SLF1: variants seen among roughly 807,000 people sequenced by gnomAD.
SLF1 encodes SMC5-SMC6 complex localization factor protein 1.
SLF1 carries 105 observed loss-of-function variants against 123.0 expected under a neutral mutation model. The ratio of observed to expected loss-of-function variants is 0.85; its 90% CI spans 0.73 to 1.00. The LOEUF (loss-of-function observed/expected upper bound fraction) is 1.00. Among genes scored for constraint, SLF1 ranks in the 50% least tolerant of loss-of-function variants. The probability of loss-of-function intolerance (pLI) is 0.00; values close to 1 mark genes in which losing one functional copy is unlikely to be tolerated. For synonymous variants in SLF1, 434 were observed against 406.6 expected (o/e 1.07, Z -0.81); for missense variants, 1,239 against 1,223.0 (o/e 1.01, Z -0.20).
At chr5:94,627,585 CATATATATATATAT>C (rs58847356) in intron 1 of SLF1, among the ~76,000 whole-genome samples, 4,676 of 86,842 alleles carry the variant, frequency 0.054, 314 homozygotes, top group East Asian at 0.24. Flanking sequence ...ATGAAATTAA[CATATATATATATAT>C]ATATATATAT....
At chr5:94,641,458 G>T (rs12657323) in intron 4 of SLF1, among the ~76,000 whole-genome samples, 33,829 of 152,026 alleles carry the variant, frequency 0.22, 3,885 homozygotes, top group East Asian at 0.34. Context: ...TATTCTGTTA[G>T]AGCAGCAGAA....
intron 12 of SLF1, among the ~76,000 whole-genome samples, chr5:94,667,658 C>T (rs1177863915): frequency 2.6e-5 from 4 of 152,324 alleles, no homozygotes; most frequent in Admixed American, 2.0e-4. Flanking sequence ...TTCTCATCTT[C>T]ACCACTTTCT....
intron 8 of SLF1, among the ~76,000 whole-genome samples, chr5:94,654,332 A>T (rs1317198850): frequency 6.6e-6 from 1 of 152,008 alleles, no homozygotes; most frequent in East Asian, 1.9e-4. Flanking sequence ...TTGGAACAGG[A>T]TAAATGAAAA....
At chr5:94,688,459 T>G in intron 16 of SLF1, 47 bp from the exon 17 acceptor site, 1 of 1,561,178 alleles carries the variant, frequency 6.4e-7, no homozygotes, top group Non-Finnish European at 8.8e-7. Context: ...TTCTCTTTAC[T>G]GCTGTTTTTG....
rs1363799240 is a variant in SLF1, at chr5:94,695,795, C to CTG, written c.*484_*485insGT. On this transcript the variant is annotated 3_prime_UTR_variant, in exon 21 of 21. Transcript: ENST00000265140. The stretch of plus-strand genomic sequence containing the variant: ...ACATGTAGCTCCCTATTTCTTCTCT[C>CTG]TAGGTTGTTGGACTGAAATATGCAT... 6.6e-6 allele frequency: 1 copy of CTG among 151,570 alleles called. No homozygotes were observed. The highest frequency in any genetic ancestry group is 2.4e-5 in the African/African-American group (1 of 41,300). The allele number at this position is 151,570 out of a possible 1,614,324, so 9.4% of individuals were successfully genotyped here.
chr5:94,694,748 C>G, intron 20 of SLF1, 83 bp from the exon 21 acceptor site: 1 of 1,478,774 alleles, frequency 6.8e-7, no homozygotes, highest in South Asian at 1.4e-5. Flanking sequence ...GCACTGGATG[C>G]TTTGGGAAAA....
chr5:94,644,481 A>G (rs185119532), intron 5 of SLF1, among the ~76,000 whole-genome samples: 34 of 152,230 alleles, frequency 2.2e-4, no homozygotes, highest in Admixed American at 1.3e-3. Context: ...TGTCTTTTCA[A>G]TTGTATCCTG....
intron 9 of SLF1, among the ~76,000 whole-genome samples, chr5:94,657,607 C>T (rs1025215775): frequency 1.3e-5 from 2 of 151,896 alleles, no homozygotes; most frequent in African/African-American, 4.8e-5. Flanking sequence ...TTTTCTGTTT[C>T]GATAATCTGT....
Position 94,682,952 on chromosome 5 carries a change from A to G in SLF1, c.1976-3621A>G, listed in dbSNP as rs141429972. Reference sequence around the variant, plus strand: ...TGTAGTAAGAAAGCAGCCATAGACAATACATAAACAGACAGCATGGCTGTG... The same window carrying G: ...TGTAGTAAGAAAGCAGCCATAGACAGTACATAAACAGACAGCATGGCTGTG... On this transcript the variant is annotated intron_variant, in intron 15 of 20. Coordinates refer to ENST00000265140, the MANE Select transcript of SLF1 (RefSeq NM_032290.4). Among the ~76,000 whole-genome samples, 166 of 152,346 alleles carry G rather than the reference A, an allele frequency of 1.1e-3. 1 individual carries two copies. The highest frequency in any genetic ancestry group is 6.0e-3 in the South Asian group (29 of 4,828).
Position 94,695,114 on chromosome 5 carries a change from T to TAAAAATCATAAA in SLF1, c.2983_2984insATCATAAAAAAA (p.Lys994_Ser995insAsnHisLysLys). ...ATCTAAATGAACTGCTTATGGCTTGTAAAAGTCATAAAGAAACCACCAGTG... is the reference window on the plus strand; with the variant it reads ...ATCTAAATGAACTGCTTATGGCTTGTAAAAATCATAAAAAAAGTCATAAAGAAACCACCAGTG... On this transcript the variant is annotated inframe_insertion, in exon 21 of 21. Transcript: ENST00000265140. 1 of 1,612,496 alleles carries TAAAAATCATAAA rather than the reference T, an allele frequency of 6.2e-7. No homozygotes were observed. Among genetic ancestry groups the TAAAAATCATAAA allele is most frequent in the Admixed American group, 1.7e-5 (1 of 59,752 alleles).
At chr5:94,619,763 A>G (rs1325207891) in intron 1 of SLF1, among the ~76,000 whole-genome samples, 5 of 152,194 alleles carry the variant, frequency 3.3e-5, no homozygotes, top group Non-Finnish European at 7.4e-5. Context: ...AGATGTTCTC[A>G]TTATTGGAAA....
intron 15 of SLF1, among the ~76,000 whole-genome samples, chr5:94,682,460 T>G (rs868719152): frequency 6.6e-6 from 1 of 152,262 alleles, no homozygotes; most frequent in African/African-American, 2.4e-5. Flanking sequence ...TTCACTGTTA[T>G]ATAACTTCCA....
At chr5:94,652,151 G>A (rs920410969) in intron 7 of SLF1, among the ~76,000 whole-genome samples, 18 of 152,044 alleles carry the variant, frequency 1.2e-4, no homozygotes, top group African/African-American at 4.3e-4. Flanking sequence ...GGGACTACAG[G>A]CACACACCAC....
At chr5:94,648,438 CTG>C (rs1243078843) in intron 5 of SLF1, among the ~76,000 whole-genome samples, 1 of 152,112 alleles carries the variant, frequency 6.6e-6, no homozygotes, top group Non-Finnish European at 1.5e-5. Context: ...CCTAGGAAGA[CTG>C]TGATTCTTCA....
chr5:94,625,237 C>A (rs1010014368), intron 1 of SLF1, among the ~76,000 whole-genome samples: 2 of 151,368 alleles, frequency 1.3e-5, no homozygotes, highest in Non-Finnish European at 2.9e-5. Flanking sequence ...CTCTTGTATT[C>A]TACTGATAAC....
chr5:94,662,979 CAG>C (rs1396780306), intron 10 of SLF1, among the ~76,000 whole-genome samples: 9 of 152,186 alleles, frequency 5.9e-5, no homozygotes, highest in African/African-American at 1.9e-4. Context: ...TGTACAACCT[CAG>C]AGTGATTTTA....
At chr5:94,680,202 G>A (rs1232185746) in intron 15 of SLF1, among the ~76,000 whole-genome samples, 1 of 152,108 alleles carries the variant, frequency 6.6e-6, no homozygotes, top group Non-Finnish European at 1.5e-5. Context: ...GGTTATAACT[G>A]GGTTCAGGAT....
In SLF1 at chr5:94,688,506, G is replaced by A; in HGVS notation, c.2122G>A (p.Val708Ile). 3 of 1,613,588 alleles carry A rather than the reference G, an allele frequency of 1.9e-6. No individual in the cohort carries two copies. Among genetic ancestry groups the A allele is most frequent in the Non-Finnish European group, 2.5e-6 (3 of 1,179,718 alleles). The change falls in exon 17 of 21, where the codon GTA becomes ATA. Residue 708 changes from valine to isoleucine, a missense_variant and splice_region_variant. Physicochemically the swap from Val to Ile is conservative, Grantham distance 29 (BLOSUM62 3). Transcript: ENST00000265140. ...SSEPLSLQKMVYSYLPALGKT... is the reference protein window; with the variant it reads ...SSEPLSLQKMIYSYLPALGKT... ...ATAATGCAATATTATTTTTCAACAGGTATATTCCTATTTACCAGCCTTGGG... is the reference window on the plus strand; with the variant it reads ...ATAATGCAATATTATTTTTCAACAGATATATTCCTATTTACCAGCCTTGGG...
intron 15 of SLF1, among the ~76,000 whole-genome samples, chr5:94,680,494 AT>A (rs1240553640): frequency 6.6e-6 from 1 of 152,170 alleles, no homozygotes; most frequent in Non-Finnish European, 1.5e-5. Flanking sequence ...GAATTCTGGC[AT>A]TATTTGCTAG....
Sources: gnomAD v4.1 joint callset for allele counts (sites outside exome capture counted in the v4.1 genomes callset) on GRCh38, gnomAD v4.1.1 for gene constraint, MANE v1.5 for transcripts, NCBI Gene and HGNC (gene_info 2026-07-23, HGNC 2026-07-21) for gene names.